Variants in DENND1B observed in about 807,000 individuals in gnomAD.
DENND1B encodes DENN domain-containing protein 1B.
A neutral mutation model predicts 90.1 loss-of-function variants in DENND1B; 59 were observed. That is an observed-to-expected ratio of 0.65 (90% CI 0.53 to 0.81). The LOEUF (loss-of-function observed/expected upper bound fraction) is 0.81. DENND1B is among the 40% of genes least tolerant of loss of function. The probability of loss-of-function intolerance (pLI) is 0.00; values close to 1 mark genes in which losing one functional copy is unlikely to be tolerated. For synonymous variants in DENND1B, 337 were observed against 324.6 expected, an observed-to-expected ratio of 1.04 and a Z score of -0.41; for missense variants, 862 against 912.6, an observed-to-expected ratio of 0.94 and a Z score of 0.71.
At position 197,576,997 on chromosome 1, in the gene DENND1B, T is replaced by C. The variant is rs548742836; in HGVS notation, c.1149+6155A>G. The stretch of plus-strand genomic sequence containing the variant: ...TATTCATGGAGAGCCCGTAAGTTTA[T>C]AGTTCTAGATGAGGCTCTTGGATTG... On this transcript the variant is annotated intron_variant, in intron 15 of 22. Transcript: ENST00000620048. Among the ~76,000 whole-genome samples, 3 of 152,284 alleles carry C rather than the reference T, an allele frequency of 2.0e-5. No homozygotes were observed. In the South Asian group the frequency reaches 6.2e-4, roughly 32 times the overall value.
chr1:197,687,710 G>T (rs1657396305), intron 3 of DENND1B, among the ~76,000 whole-genome samples: 1 of 152,028 alleles, frequency 6.6e-6, no homozygotes, highest in African/African-American at 2.4e-5. Context: ...GTTAACATTA[G>T]ACTTAATAGT....
chr1:197,707,626 A>C (rs898893300), intron 3 of DENND1B, among the ~76,000 whole-genome samples: 42 of 147,352 alleles, frequency 2.9e-4, no homozygotes, highest in Non-Finnish European at 5.7e-4. Flanking sequence ...TATATAATAT[A>C]ATACATATAT....
chr1:197,605,199 A>T (rs1676561455), intron 13 of DENND1B, among the ~76,000 whole-genome samples: 2 of 150,806 alleles, frequency 1.3e-5, no homozygotes, highest in Admixed American at 1.3e-4. Flanking sequence ...CTCTTCTGTC[A>T]TTTTATATAT....
At chr1:197,757,047 G>T (rs1229039762) in intron 2 of DENND1B, among the ~76,000 whole-genome samples, 2 of 150,972 alleles carry the variant, frequency 1.3e-5, no homozygotes, top group African/African-American at 2.4e-5. Context: ...TAAAACAAAA[G>T]AATCTATTTC....
chr1:197,772,695 T>G (rs1656771617), intron 2 of DENND1B, among the ~76,000 whole-genome samples, 173 bp downstream of exon 2: 1 of 152,128 alleles, frequency 6.6e-6, no homozygotes, highest in South Asian at 2.1e-4. Flanking sequence ...CATGGTGGTG[T>G]GCATTGGTAG....
intron 3 of DENND1B, among the ~76,000 whole-genome samples, chr1:197,685,277 A>G (rs946421923): frequency 2.6e-5 from 4 of 152,212 alleles, no homozygotes; most frequent in Non-Finnish European, 5.9e-5. Context: ...AGACTATTTC[A>G]TCTTAAGCTC....
intron 2 of DENND1B, among the ~76,000 whole-genome samples, chr1:197,721,362 C>T (rs919089574): frequency 6.6e-6 from 1 of 152,104 alleles, no homozygotes; most frequent in Admixed American, 6.6e-5. Flanking sequence ...AGCCACCGTG[C>T]CTGGCCGAGA....
intron 2 of DENND1B, among the ~76,000 whole-genome samples, chr1:197,769,197 A>G (rs1924518): frequency 0.85 from 129,447 of 151,734 alleles, 55,612 homozygotes; most frequent in African/African-American, 0.95. Flanking sequence ...TATATTCTAA[A>G]AGTTCTTTAA....
Position 197,679,942 on chromosome 1 carries a change from G to A in DENND1B, c.127-5773C>T, listed in dbSNP as rs373029984. Among the ~76,000 whole-genome samples the A allele has an allele frequency of 1.9e-3, 282 of 151,604 alleles. 2 individuals are homozygous for A. The highest frequency in any genetic ancestry group is 6.6e-3 in the African/African-American group (274 of 41,344). On this transcript the variant is annotated intron_variant, in intron 3 of 22. Coordinates refer to ENST00000620048, the MANE Select transcript of DENND1B (RefSeq NM_001195215.2). ...AGGCAGGCGGATTGCTTGAGCCAAG[G>A]AGTTCGAGACCAGCCTGGGCAACAT...
At chr1:197,605,044 A>T (rs972405) in intron 13 of DENND1B, among the ~76,000 whole-genome samples, 103,059 of 150,794 alleles carry the variant, frequency 0.68, 37,834 homozygotes, top group East Asian at 0.87. Flanking sequence ...CTATTCTTTA[A>T]ATTTCTTTAT....
chr1:197,762,465 A>G (rs1044357465), intron 2 of DENND1B, among the ~76,000 whole-genome samples: 5 of 152,196 alleles, frequency 3.3e-5, no homozygotes, highest in African/African-American at 1.2e-4. Flanking sequence ...TGAGGTGCTC[A>G]ATATGATGAA....
At chr1:197,618,584 T>C (rs1183829320) in intron 10 of DENND1B, among the ~76,000 whole-genome samples, 1 of 151,174 alleles carries the variant, frequency 6.6e-6, no homozygotes, top group Non-Finnish European at 1.5e-5. Context: ...TTTTCTCCCA[T>C]CTTCTGACCC....
At chr1:197,713,723 T>A (rs1482775826) in intron 3 of DENND1B, among the ~76,000 whole-genome samples, 2 of 70,018 alleles carry the variant, frequency 2.9e-5, no homozygotes, top group Admixed American at 4.8e-4. Context: ...ACTCTAAAAC[T>A]TAGAGTATAA....
At chr1:197,638,765 T>A (rs2125912068) in intron 10 of DENND1B, among the ~76,000 whole-genome samples, 1 of 152,288 alleles carries the variant, frequency 6.6e-6, no homozygotes, top group African/African-American at 2.4e-5. Flanking sequence ...ATCTATGGCC[T>A]ACCTACAGCA....
At chr1:197,727,772 C>T (rs1174055166) in intron 2 of DENND1B, among the ~76,000 whole-genome samples, 1 of 151,974 alleles carries the variant, frequency 6.6e-6, no homozygotes, top group African/African-American at 2.4e-5. Context: ...CACAAGAGAC[C>T]TTGTTTCCTC....
At position 197,510,443 on chromosome 1, in the gene DENND1B, A is replaced by G. The variant is rs764759028; in HGVS notation, c.*17T>C. The G allele has an allele frequency of 6.3e-7, 1 of 1,584,256 alleles. No individual in the cohort carries two copies. The highest frequency in any genetic ancestry group is 1.8e-5 in the Admixed American group (1 of 56,400). ...ATTGAATCTCAAAATGTCTCCATAG[A>G]AGCTTGGATGCAAGATTTAAGTTTG... On this transcript the variant is annotated 3_prime_UTR_variant, in exon 23 of 23. Transcript: ENST00000620048.
At chr1:197,585,295 T>C (rs930684361) in intron 14 of DENND1B, among the ~76,000 whole-genome samples, 1 of 152,204 alleles carries the variant, frequency 6.6e-6, no homozygotes, top group African/African-American at 2.4e-5. Context: ...AAATACAATT[T>C]TAAAAATAAA....
rs1252104506 is a variant in DENND1B, at chr1:197,506,956, A to G, written c.*3504T>C. ...ACACTCAGTTTCTAAAAGAGTCTCT[A>G]AATCTGCCCCTTAAATGTGGGTATC... is the stretch of plus-strand genomic sequence containing the variant. On this transcript the variant is annotated 3_prime_UTR_variant, in exon 23 of 23. Transcript: ENST00000620048. 6.6e-6 allele frequency: 1 copy of G among 151,286 alleles called. No homozygotes were observed. Among genetic ancestry groups the G allele is most frequent in the Non-Finnish European group, 1.5e-5 (1 of 67,508 alleles). The allele number at this position is 151,286 out of a possible 1,614,324, so 9.4% of individuals were successfully genotyped here.
Position 197,510,777 on chromosome 1 carries a change from G to A in DENND1B, c.2011C>T (p.His671Tyr), listed in dbSNP as rs771349724. 8.7e-6 allele frequency: 14 copies of A among 1,612,460 alleles called. No homozygotes were observed. In the Middle Eastern group the frequency reaches 5.0e-4, roughly 57 times the overall value. The change falls in exon 23 of 23, where the codon CAC (histidine) becomes TAC (tyrosine). Residue 671 changes from histidine to tyrosine, a missense_variant. By Grantham distance (83) the His-to-Tyr change is moderately conservative (BLOSUM62 2). Coordinates refer to ENST00000620048, the MANE Select transcript of DENND1B (RefSeq NM_001195215.2). ...TCACTCACATTGTCAGCACCGAGGT[G>A]CTTGTTACTGTTTTCCTCTTTCAGG... Reference protein sequence around the residue: ...FILKEENSNKHLGADNVSDPT... With the variant: ...FILKEENSNKYLGADNVSDPT...
Sources: allele counts gnomAD v4.1 joint callset (sites outside exome capture counted in the v4.1 genomes callset), GRCh38; gene constraint gnomAD v4.1.1; transcripts MANE v1.5; gene names NCBI Gene and HGNC (gene_info 2026-07-23, HGNC 2026-07-21).